Variants in SATB1 observed in about 807,000 individuals in gnomAD.
SATB1 encodes SATB homeobox 1.
SATB1 carries 11 observed loss-of-function variants against 86.9 expected under a neutral mutation model. That is an observed-to-expected ratio of 0.13 (90% confidence interval 0.08 to 0.21). The LOEUF (loss-of-function observed/expected upper bound fraction) is 0.21, where lower values mean the gene tolerates loss of function less well. Among genes scored for constraint, SATB1 ranks in the 10% least tolerant of loss-of-function variants. The pLI, the probability that SATB1 is intolerant of heterozygous loss-of-function variation, is 1.00. For missense variants in SATB1, 551 were observed against 937.6 expected (o/e 0.59, Z 5.39); for synonymous variants, 357 against 357.2 (o/e 1.00, Z 0.01).
At chr3:18,411,749 AGT>A in intron 5 of SATB1, among the ~76,000 whole-genome samples, 1 of 152,164 alleles carries the variant, frequency 6.6e-6, no homozygotes, top group South Asian at 2.1e-4. Flanking sequence ...TAATGAGCTA[AGT>A]GTTTCTTATG....
intron 9 of SATB1, chr3:18,353,066 G>C (rs1694453580): frequency 6.6e-6 from 1 of 152,098 alleles, no homozygotes. Flanking sequence ...GAAGAGTAAG[G>C]GTGTCTGATC....
chr3:18,433,919 A>G (rs942412657), intron 2 of SATB1, among the ~76,000 whole-genome samples: 1 of 152,052 alleles, frequency 6.6e-6, no homozygotes, highest in African/African-American at 2.4e-5. Flanking sequence ...AGAACTAGAG[A>G]GCCTTGAGGC....
chr3:18,428,747 C>T (rs1311544082), upstream of SATB1, among the ~76,000 whole-genome samples: 3 of 152,156 alleles, frequency 2.0e-5, no homozygotes, highest in East Asian at 5.8e-4. Context: ...AAGGCATTAT[C>T]CTGGCTACAC....
intron 9 of SATB1, among the ~76,000 whole-genome samples, chr3:18,356,606 G>A (rs1240008820): frequency 6.6e-6 from 1 of 151,744 alleles, no homozygotes; most frequent in Admixed American, 6.6e-5. Flanking sequence ...GTGCTTTACT[G>A]ACAAAATCTT....
At chr3:18,365,457 G>A (rs988743778) in intron 9 of SATB1, among the ~76,000 whole-genome samples, 16 of 152,116 alleles carry the variant, frequency 1.1e-4, no homozygotes, top group Admixed American at 9.8e-4. Flanking sequence ...GGGTGGGTAG[G>A]GTCGGGGAGG....
rs144155043 is a variant in SATB1, at chr3:18,357,952, C to G, written c.1576-5757G>C. Among the ~76,000 whole-genome samples, 462 of 151,916 alleles carry G rather than the reference C, an allele frequency of 3.0e-3. 1 individual carries two copies. Among genetic ancestry groups the G allele is most frequent in the African/African-American group, 0.011 (451 of 41,496 alleles). On this transcript the variant is annotated intron_variant, in intron 9 of 10. Coordinates refer to ENST00000338745, the MANE Select transcript of SATB1 (RefSeq NM_002971.6). ...CACACACCCACTTGTGACCTTTTTT[C>G]ATGAAGAATCATAACACTGTGCAGT...
chr3:18,394,778 C>T lies in SATB1; in HGVS notation c.890G>A (p.Arg297Gln), dbSNP rs751519264. The change falls in exon 7 of 11, where the codon CGG (arginine) becomes CAG (glutamine). Residue 297 changes from arginine (R) to glutamine (Q), a missense_variant. Coordinates refer to ENST00000338745, the MANE Select transcript of SATB1 (RefSeq NM_002971.6). This position sits in a 1 kb window ranked among gnomAD's most constrained non-coding sequence, Gnocchi z 5.9. ...AGGGTGCAGGTTTGGAAGAGGTGTC[C>T]GGACAGAGGGCTGGCTGCCATGGGA... is the stretch of plus-strand genomic sequence containing the variant. ...QLSHGSQPSV[R>Q]TPLPNLHPGL... 4 of 1,613,998 alleles carry T rather than the reference C, an allele frequency of 2.5e-6. No individual in the cohort carries two copies. Among genetic ancestry groups the T allele is most frequent in the Non-Finnish European group, 2.5e-6 (3 of 1,179,994 alleles).
At chr3:18,369,322 CA>C (rs144298836) in intron 9 of SATB1, among the ~76,000 whole-genome samples, 5 of 149,706 alleles carry the variant, frequency 3.3e-5, no homozygotes, top group Non-Finnish European at 7.4e-5. Flanking sequence ...CCCCCCTCCA[CA>C]AAAAAAAACT....
Position 18,415,128 on chromosome 3 carries a change from C to T in SATB1, c.622G>A (p.Glu208Lys). The change falls in exon 5 of 11, where the codon GAG (glutamate) becomes AAG (lysine). Residue 208 changes from glutamate (E) to lysine (K), a missense_variant. Glu to Lys is a moderately conservative substitution (Grantham distance 56, BLOSUM62 1). Coordinates refer to ENST00000338745, the MANE Select transcript of SATB1 (RefSeq NM_002971.6). The stretch of plus-strand genomic sequence containing the variant: ...CTAAGTACCTGTGAAAGGGGGCACT[C>T]CTTGGCCAATGAACTCTGATTCATA... ...KDMNQSSLAK[E>K]CPLSQSMISS... 6.2e-7 allele frequency: 1 copy of T among 1,612,900 alleles called. No individual in the cohort carries two copies. Among genetic ancestry groups the T allele is most frequent in the Non-Finnish European group, 8.5e-7 (1 of 1,179,174 alleles).
intron 5 of SATB1, among the ~76,000 whole-genome samples, chr3:18,411,695 C>A (rs190295729): frequency 6.6e-6 from 1 of 151,594 alleles, no homozygotes; most frequent in Non-Finnish European, 1.5e-5. Flanking sequence ...CCACATCCAC[C>A]GAAAAAAACA....
rs1030684824 is a variant in SATB1, at chr3:18,347,444, G to C, written c.*1726C>G. 6.6e-6 allele frequency: 1 copy of C among 151,448 alleles called. No homozygotes were observed. Among genetic ancestry groups the C allele is most frequent in the African/African-American group, 2.4e-5 (1 of 41,078 alleles). The allele number at this position is 151,448 out of a possible 1,614,324, so 9.4% of individuals were successfully genotyped here. ...CTTCATGTAGCTCTTATAGTTATGA[G>C]ATACACTTACGAGCTCAGTTATTAA... On this transcript the variant is annotated 3_prime_UTR_variant, in exon 11 of 11. Transcript: ENST00000338745.
In SATB1 at chr3:18,411,783, T is replaced by TA. The variant is rs144771732; in HGVS notation, c.639+3327dup. On this transcript the variant is annotated intron_variant, in intron 5 of 10. Coordinates refer to ENST00000338745, the MANE Select transcript of SATB1 (RefSeq NM_002971.6). ...TATGTCTTAGAACATTTTACAAAAA[T>TA]AAAAAAACACATGGTACAAAGAATT... 3.0e-3 allele frequency among the ~76,000 whole-genome samples: 457 copies of TA among 151,870 alleles called. 3 individuals are homozygous for TA. The highest frequency in any genetic ancestry group is 0.01 in the African/African-American group (428 of 41,456).
At chr3:18,400,253 GC>G (rs1169874174) in intron 5 of SATB1, among the ~76,000 whole-genome samples, 3 of 152,118 alleles carry the variant, frequency 2.0e-5, no homozygotes, top group African/African-American at 7.2e-5. Context: ...TAAAAAGATT[GC>G]ACTAAGCTGT....
chr3:18,445,156 G>T (rs985695883), intron 1 of SATB1: 1 of 914,516 alleles, frequency 1.1e-6, no homozygotes, highest in Non-Finnish European at 1.3e-6. Context: ...TGTGCGGCGC[G>T]GGCTGGCCAG....
intron 9 of SATB1, among the ~76,000 whole-genome samples, chr3:18,355,721 A>G (rs1255489769): frequency 6.6e-6 from 1 of 151,986 alleles, no homozygotes; most frequent in East Asian, 1.9e-4. Flanking sequence ...CTTGATATAC[A>G]TAAGACCATA....
chr3:18,384,391 G>A (rs1696217215), intron 8 of SATB1, among the ~76,000 whole-genome samples: 1 of 150,536 alleles, frequency 6.6e-6, no homozygotes, highest in Admixed American at 6.6e-5. Context: ...AATAAAACCA[G>A]AGTCCTAGAA....
chr3:18,417,221 C>T, intron 2 of SATB1, 143 bp from the exon 3 acceptor site: 1 of 703,420 alleles, frequency 1.4e-6, no homozygotes. Flanking sequence ...GGGTACAGTA[C>T]AGGCAAATGC....
intron 9 of SATB1, among the ~76,000 whole-genome samples, chr3:18,361,646 A>G (rs1694911393): frequency 6.6e-6 from 1 of 152,206 alleles, no homozygotes. Flanking sequence ...GGAAATATCT[A>G]GCAATCACCT....
At chr3:18,362,501 T>C (rs925273879) in intron 9 of SATB1, among the ~76,000 whole-genome samples, 1 of 152,082 alleles carries the variant, frequency 6.6e-6, no homozygotes, top group South Asian at 2.1e-4. Flanking sequence ...TGAGGGCTCA[T>C]GTATAGTAGC....
Sources: allele counts gnomAD v4.1 joint callset (sites outside exome capture counted in the v4.1 genomes callset), GRCh38; gene constraint gnomAD v4.1.1; non-coding constraint Gnocchi (gnomAD v3.1); transcripts MANE v1.5; gene names NCBI Gene and HGNC (gene_info 2026-07-23, HGNC 2026-07-21).